Variants in RAPGEF6 observed in about 807,000 individuals in gnomAD.
The protein encoded by RAPGEF6 is PDZ domain containing guanine nucleotide exchange factor (GEF) 2.
RAPGEF6 carries 56 observed loss-of-function variants against 171.4 expected under a neutral mutation model. The observed-to-expected ratio is 0.33, with a 90% CI of 0.26 to 0.41. RAPGEF6 has a LOEUF of 0.41. Ranked by LOEUF, RAPGEF6 falls within the 10% of genes least tolerant of loss-of-function variation. The pLI, the probability that RAPGEF6 is intolerant of heterozygous loss-of-function variation, is 1.00. For synonymous variants in RAPGEF6, 692 were observed against 650.1 expected (o/e 1.06, Z -0.98); for missense variants, 1,674 against 1,921.4 (o/e 0.87, Z 2.41).
chr5:131,497,172 T>A (rs903693433), intron 12 of RAPGEF6, among the ~76,000 whole-genome samples: 1 of 152,224 alleles, frequency 6.6e-6, no homozygotes, highest in Non-Finnish European at 1.5e-5. Context: ...TTACATATCT[T>A]CTTTGGAGAA....
At position 131,467,581 on chromosome 5, in the gene RAPGEF6, G is replaced by A. The variant is rs575517452; in HGVS notation, c.2240-3300C>T. ...CAAGCACAATATTTGGCATGCAGCA[G>A]ACACTCAAATGTTAATCGCTTAGAT... On this transcript the variant is annotated intron_variant, in intron 17 of 27. Transcript: ENST00000509018. 7.2e-5 allele frequency among the ~76,000 whole-genome samples: 11 copies of A among 152,328 alleles called. No homozygotes were observed. The South Asian group carries it at 2.1e-3, about 29-fold the overall frequency.
intron 4 of RAPGEF6, among the ~76,000 whole-genome samples, chr5:131,563,068 T>TA (rs1002738779): frequency 6.1e-5 from 9 of 148,434 alleles, no homozygotes; most frequent in African/African-American, 2.0e-4. Context: ...TAATGAAGAA[T>TA]AAAAAAAAGC....
At position 131,452,748 on chromosome 5, in the gene RAPGEF6, G is replaced by C. The variant is rs546610956; in HGVS notation, c.3200+306C>G. Among the ~76,000 whole-genome samples the C allele has an allele frequency of 1.1e-3, 173 of 151,958 alleles. 1 individual carries two copies. Among genetic ancestry groups the C allele is most frequent in the African/African-American group, 4.0e-3 (167 of 41,452 alleles). ...CCCAAAGTGCTGGGATTACAGGCGT[G>C]AGCCACTGCGCCCGGCCTGCTGATG... is the stretch of plus-strand genomic sequence containing the variant. On this transcript the variant is annotated intron_variant, in intron 21 of 27. Transcript: ENST00000509018.
intron 7 of RAPGEF6, among the ~76,000 whole-genome samples, chr5:131,516,186 C>T (rs1758071522): frequency 6.7e-6 from 1 of 149,440 alleles, no homozygotes; most frequent in Non-Finnish European, 1.5e-5. Flanking sequence ...CTCCTGGGTT[C>T]AAGCGATTCT....
chr5:131,465,164 TTTTA>T (rs1321957511), intron 17 of RAPGEF6, among the ~76,000 whole-genome samples: 2 of 152,170 alleles, frequency 1.3e-5, no homozygotes, highest in African/African-American at 4.8e-5. Context: ...AGTTTCCATA[TTTTA>T]TTTATTTGTA....
chr5:131,448,104 C>G (rs1331122219), intron 21 of RAPGEF6, among the ~76,000 whole-genome samples: 3 of 152,148 alleles, frequency 2.0e-5, no homozygotes, highest in African/African-American at 7.2e-5. Context: ...CCAGCACCAG[C>G]AGCTTTTGGT....
intron 24 of RAPGEF6, chr5:131,436,455 A>T: frequency 7.8e-7 from 1 of 1,288,144 alleles, no homozygotes; most frequent in Non-Finnish European, 1.0e-6. Flanking sequence ...TTCACTATTT[A>T]AAAATTCTAA....
intron 6 of RAPGEF6, among the ~76,000 whole-genome samples, chr5:131,533,854 A>T (rs141915597): frequency 2.2e-4 from 33 of 152,132 alleles, no homozygotes; most frequent in Non-Finnish European, 3.8e-4. Context: ...GTGTGGACTA[A>T]AAAAAATTGC....
At chr5:131,580,774 T>C (rs550629769) in intron 4 of RAPGEF6, among the ~76,000 whole-genome samples, 3 of 152,278 alleles carry the variant, frequency 2.0e-5, no homozygotes, top group East Asian at 1.9e-4. Context: ...ACCTTTTCAC[T>C]TTACATTTCC....
chr5:131,580,315 C>T lies in RAPGEF6; in HGVS notation c.281+12068G>A, dbSNP rs528626606. Among the ~76,000 whole-genome samples, 12 of 152,274 alleles carry T rather than the reference C, an allele frequency of 7.9e-5. No individual in the cohort carries two copies. In the East Asian group the frequency reaches 1.5e-3, roughly 20 times the overall value. ...ACTGCCCAGGGCCGGCAGCACCAGC[C>T]GGTCACTCCGAGTGTGGGGCCCACC... On this transcript the variant is annotated intron_variant, in intron 4 of 27. Coordinates refer to ENST00000509018, the MANE Select transcript of RAPGEF6 (RefSeq NM_016340.6).
intron 5 of RAPGEF6, among the ~76,000 whole-genome samples, chr5:131,555,535 A>T (rs1439499915): frequency 6.6e-6 from 1 of 152,014 alleles, no homozygotes; most frequent in African/African-American, 2.4e-5. Context: ...TACTAATGAC[A>T]TTTATTTATG....
chr5:131,547,222 T>C (rs1760607902), intron 6 of RAPGEF6, among the ~76,000 whole-genome samples: 1 of 152,196 alleles, frequency 6.6e-6, no homozygotes, highest in Admixed American at 6.5e-5. Flanking sequence ...AATGAATAAA[T>C]ATCTGTTTAT....
chr5:131,612,545 C>T (rs555007823), intron 1 of RAPGEF6, among the ~76,000 whole-genome samples: 1 of 152,290 alleles, frequency 6.6e-6, no homozygotes, highest in African/African-American at 2.4e-5. Flanking sequence ...AACACGGCTG[C>T]CTGGGCCCCA....
intron 4 of RAPGEF6, among the ~76,000 whole-genome samples, chr5:131,588,673 G>A (rs1465940445): frequency 3.3e-5 from 5 of 152,218 alleles, no homozygotes; most frequent in Non-Finnish European, 5.9e-5. Context: ...AACCTGGGAG[G>A]CAGAGGTTGA....
At chr5:131,479,839 T>C in intron 15 of RAPGEF6, 86 bp from the exon 16 acceptor site, 1 of 1,366,278 alleles carries the variant, frequency 7.3e-7, no homozygotes, top group Non-Finnish European at 1.0e-6. Context: ...ATAAACACAG[T>C]GACTTTCCAT....
intron 1 of RAPGEF6, among the ~76,000 whole-genome samples, chr5:131,625,708 C>T (rs1400325168): frequency 6.0e-5 from 9 of 150,530 alleles, no homozygotes; most frequent in African/African-American, 2.2e-4. Flanking sequence ...CCCAGCTACT[C>T]GGGAGGCTGA....
intron 6 of RAPGEF6, among the ~76,000 whole-genome samples, chr5:131,535,325 CTGAA>C (rs1759693732): frequency 1.3e-5 from 2 of 152,096 alleles, no homozygotes; most frequent in Non-Finnish European, 2.9e-5. Context: ...CTTTTAACTA[CTGAA>C]TGAAGAAATA....
Position 131,431,227 on chromosome 5 carries a change from G to T in RAPGEF6, c.4097C>A (p.Thr1366Asn). The T allele has an allele frequency of 6.2e-7, 1 of 1,614,158 alleles. No individual in the cohort carries two copies. The highest frequency in any genetic ancestry group is 8.5e-7 in the Non-Finnish European group (1 of 1,180,026). ...GTCATGGGAGCTGCTTGAACACGAAGTCCAACTTCCACGACCACTGTCAGC... is the reference window on the plus strand; with the variant it reads ...GTCATGGGAGCTGCTTGAACACGAATTCCAACTTCCACGACCACTGTCAGC... ...EAADSGRGSW[T>N]SCSSSSHDNF... The change falls in exon 26 of 28, where the codon ACT becomes AAT. Residue 1366 changes from threonine (T) to asparagine (N), a missense_variant. This residue lies in a region of RAPGEF6 where 552 missense variants were observed against 574.2 expected (regional missense o/e 0.96). Coordinates refer to ENST00000509018, the MANE Select transcript of RAPGEF6 (RefSeq NM_016340.6).
intron 26 of RAPGEF6, among the ~76,000 whole-genome samples, chr5:131,430,293 T>A (rs1027147836): frequency 1.3e-5 from 2 of 152,002 alleles, no homozygotes; most frequent in African/African-American, 4.8e-5. Context: ...AAGAAATTTT[T>A]AAAAAGTATT....
Sources: gnomAD v4.1 joint callset for allele counts (sites outside exome capture counted in the v4.1 genomes callset) on GRCh38, gnomAD v4.1.1 for gene constraint, gnomAD v4.1.1 regional missense constraint, MANE v1.5 for transcripts, NCBI Gene and HGNC (gene_info 2026-07-23, HGNC 2026-07-21) for gene names.